The following GALNT13 variants were observed in gnomAD, a reference collection of about 807,000 sequenced individuals.
GALNT13 encodes the protein polypeptide N-acetylgalactosaminyltransferase 13.
GALNT13 carries 28 observed loss-of-function variants against 64.2 expected under a neutral mutation model. The ratio of observed to expected loss-of-function variants is 0.44; its 90% CI spans 0.32 to 0.60. The LOEUF (loss-of-function observed/expected upper bound fraction) is 0.60, where lower values mean the gene tolerates loss of function less well. GALNT13 is among the 20% of genes least tolerant of loss of function. The pLI is 0.05. For synonymous variants in GALNT13, 214 were observed against 224.6 expected, an observed-to-expected ratio of 0.95 and a Z score of 0.42; for missense variants, 577 against 669.8, an observed-to-expected ratio of 0.86 and a Z score of 1.53.
chr2:154,254,360 A>C (rs778320228), intron 7 of GALNT13, among the ~76,000 whole-genome samples: 20 of 152,164 alleles, frequency 1.3e-4, no homozygotes, highest in Non-Finnish European at 1.9e-4. Context: ...TATTTCCTTA[A>C]CATAGATTTT....
At chr2:154,126,399 G>A (rs894493064) in intron 3 of GALNT13, among the ~76,000 whole-genome samples, 3 of 152,090 alleles carry the variant, frequency 2.0e-5, no homozygotes, top group African/African-American at 4.8e-5. Context: ...ACTTTGGAAG[G>A]CCGAGGCGGG....
the GALNT13 span, among the ~76,000 whole-genome samples, chr2:153,161,746 A>C: frequency 6.6e-6 from 1 of 152,176 alleles, no homozygotes; most frequent in African/African-American, 2.4e-5. Flanking sequence ...GACTGGGCTC[A>C]GGTTTTGTAG....
At chr2:153,651,943 A>C in the GALNT13 span, among the ~76,000 whole-genome samples, 1 of 152,176 alleles carries the variant, frequency 6.6e-6, no homozygotes, top group Non-Finnish European at 1.5e-5. Context: ...TTTCAGCACC[A>C]GTGGATGCTT....
At chr2:153,781,094 G>T in the GALNT13 span, among the ~76,000 whole-genome samples, 3 of 152,140 alleles carry the variant, frequency 2.0e-5, no homozygotes, top group African/African-American at 7.2e-5. Context: ...GGTGACAGAG[G>T]TTAATAATCC....
At chr2:153,824,628 G>A in the GALNT13 span, among the ~76,000 whole-genome samples, 1 of 152,110 alleles carries the variant, frequency 6.6e-6, no homozygotes, top group Non-Finnish European at 1.5e-5. Context: ...AAGATTTCCA[G>A]TCCCTGGTGT....
the GALNT13 span, among the ~76,000 whole-genome samples, chr2:153,790,659 A>G: frequency 5.3e-5 from 8 of 152,174 alleles, no homozygotes; most frequent in African/African-American, 1.9e-4. Context: ...AGGATGCCAA[A>G]CTATCCCTGT....
the GALNT13 span, among the ~76,000 whole-genome samples, chr2:153,479,702 A>T: frequency 6.6e-6 from 1 of 152,226 alleles, no homozygotes; most frequent in Non-Finnish European, 1.5e-5. Flanking sequence ...CGCTGGCCAA[A>T]TACTGGGAGC....
the GALNT13 span, among the ~76,000 whole-genome samples, chr2:153,086,083 C>A: frequency 1.3e-5 from 2 of 152,094 alleles, no homozygotes; most frequent in African/African-American, 4.8e-5. Flanking sequence ...GGTCTGTAGC[C>A]CCTTCGTTTT....
At chr2:153,976,704 T>C (rs1395312986) in intron 3 of GALNT13, among the ~76,000 whole-genome samples, 3 of 152,056 alleles carry the variant, frequency 2.0e-5, no homozygotes, top group Non-Finnish European at 4.4e-5. Flanking sequence ...TTTTTGTCAA[T>C]CGATTATGTT....
At chr2:153,526,807 G>A in the GALNT13 span, among the ~76,000 whole-genome samples, 1 of 151,904 alleles carries the variant, frequency 6.6e-6, no homozygotes, top group African/African-American at 2.4e-5. Flanking sequence ...CACAGAGAAG[G>A]AATTCAGAAT....
At chr2:153,646,987 G>A in the GALNT13 span, among the ~76,000 whole-genome samples, 4 of 152,156 alleles carry the variant, frequency 2.6e-5, no homozygotes, top group African/African-American at 9.7e-5. Flanking sequence ...CCAGTAATGG[G>A]ATGGCTGGGT....
intron 9 of GALNT13, among the ~76,000 whole-genome samples, chr2:154,386,515 G>T (rs553927815): frequency 1.3e-5 from 2 of 152,128 alleles, no homozygotes; most frequent in East Asian, 3.9e-4. Flanking sequence ...GACTGGGAGG[G>T]TCAGTTTTTA....
At chr2:153,176,634 T>C in the GALNT13 span, among the ~76,000 whole-genome samples, 2 of 151,846 alleles carry the variant, frequency 1.3e-5, no homozygotes, top group Non-Finnish European at 2.9e-5. Context: ...CTCTGTCTAA[T>C]TATCTATTTA....
chr2:153,739,942 G>A, the GALNT13 span, among the ~76,000 whole-genome samples: 2 of 151,794 alleles, frequency 1.3e-5, no homozygotes, highest in Non-Finnish European at 2.9e-5. Context: ...ACTCACCAAT[G>A]AGAATATTTG....
At chr2:153,377,670 T>G in the GALNT13 span, among the ~76,000 whole-genome samples, 1 of 152,144 alleles carries the variant, frequency 6.6e-6, no homozygotes, top group African/African-American at 2.4e-5. Flanking sequence ...TCATGCTTCT[T>G]GTACAGCTTG....
the GALNT13 span, among the ~76,000 whole-genome samples, chr2:153,279,104 TTG>T: frequency 6.6e-6 from 1 of 152,020 alleles, no homozygotes; most frequent in Non-Finnish European, 1.5e-5. Flanking sequence ...AGGTATTTTT[TTG>T]TGTGTGTGTG....
the GALNT13 span, among the ~76,000 whole-genome samples, chr2:153,616,458 G>A: frequency 6.6e-6 from 1 of 151,654 alleles, no homozygotes; most frequent in East Asian, 1.9e-4. Context: ...TTCTATTTCT[G>A]TGAAGAATGT....
chr2:154,188,360 A>T (rs549078842), intron 4 of GALNT13, among the ~76,000 whole-genome samples: 9 of 152,304 alleles, frequency 5.9e-5, no homozygotes, highest in East Asian at 1.9e-4. Context: ...GGCAGACAAA[A>T]TATAAGTTTG....
At chr2:154,000,866 T>G (rs1324565608) in intron 3 of GALNT13, among the ~76,000 whole-genome samples, 2 of 152,016 alleles carry the variant, frequency 1.3e-5, no homozygotes, top group Non-Finnish European at 2.9e-5. Flanking sequence ...CTGAATGATC[T>G]TTACATTGCT....
Sources: allele counts gnomAD v4.1 joint callset (sites outside exome capture counted in the v4.1 genomes callset), GRCh38; gene constraint gnomAD v4.1.1; transcripts MANE v1.5; gene names NCBI Gene and HGNC (gene_info 2026-07-23, HGNC 2026-07-21).